Variants in ZNF704 observed in about 807,000 individuals in gnomAD.
The protein encoded by ZNF704 is glucocorticoid induced gene 1.
In ZNF704, 10 loss-of-function variants were observed where a neutral mutation model predicts 44.7. The ratio of observed to expected loss-of-function variants is 0.22; its 90% CI spans 0.14 to 0.38. ZNF704 has a LOEUF of 0.38. Ranked by LOEUF, ZNF704 falls within the 10% of genes least tolerant of loss-of-function variation. ZNF704 has a pLI of 1.00. For synonymous variants in ZNF704, 211 were observed against 207.6 expected, an observed-to-expected ratio of 1.02 and a Z score of -0.14; for missense variants, 390 against 545.5, an observed-to-expected ratio of 0.71 and a Z score of 2.84.
chr8:80,690,057 TC>T (rs2131634420), intron 3 of ZNF704, among the ~76,000 whole-genome samples: 1 of 144,776 alleles, frequency 6.9e-6, no homozygotes, highest in African/African-American at 2.9e-5. Context: ...AATCTTTTTT[TC>T]CTAAAAAAAA....
At chr8:80,830,406 A>T (rs1808450556) in intron 1 of ZNF704, among the ~76,000 whole-genome samples, 1 of 152,224 alleles carries the variant, frequency 6.6e-6, no homozygotes, top group Non-Finnish European at 1.5e-5. Flanking sequence ...CATTCATATG[A>T]GATTTCCAGA....
At chr8:80,808,454 T>C (rs1270785193) in intron 2 of ZNF704, among the ~76,000 whole-genome samples, 1 of 152,246 alleles carries the variant, frequency 6.6e-6, no homozygotes, top group Non-Finnish European at 1.5e-5. Context: ...ATTTTCAAGT[T>C]GTAACTTTAT....
At chr8:80,708,643 T>C (rs974903250) in intron 2 of ZNF704, among the ~76,000 whole-genome samples, 3 of 152,272 alleles carry the variant, frequency 2.0e-5, no homozygotes, top group African/African-American at 7.2e-5. Flanking sequence ...TAATAATTTG[T>C]AGCTCATTTA....
intron 2 of ZNF704, among the ~76,000 whole-genome samples, chr8:80,716,854 A>C (rs1355007858): frequency 1.3e-5 from 2 of 152,204 alleles, no homozygotes; most frequent in Non-Finnish European, 2.9e-5. Context: ...TAAATTCTAC[A>C]TGGAGGGCAT....
chr8:80,671,850 C>T (rs185724091), intron 4 of ZNF704, among the ~76,000 whole-genome samples: 1 of 152,242 alleles, frequency 6.6e-6, no homozygotes, highest in Admixed American at 6.5e-5. Context: ...CCAGTGTCAC[C>T]CCCAGTCTGC....
At chr8:80,686,414 C>A (rs6473244) in intron 4 of ZNF704, among the ~76,000 whole-genome samples, 1 of 152,098 alleles carries the variant, frequency 6.6e-6, no homozygotes, top group Non-Finnish European at 1.5e-5. Flanking sequence ...CAGGGTCTCA[C>A]TCTGTTGCCC....
intron 2 of ZNF704, among the ~76,000 whole-genome samples, chr8:80,790,261 A>G (rs1368858893): frequency 6.6e-6 from 1 of 152,194 alleles, no homozygotes; most frequent in Non-Finnish European, 1.5e-5. Context: ...GGGGATTTTA[A>G]TGTGCAGTTA....
chr8:80,679,804 C>A (rs777119483), intron 4 of ZNF704, among the ~76,000 whole-genome samples: 1 of 152,166 alleles, frequency 6.6e-6, no homozygotes, highest in Non-Finnish European at 1.5e-5. Context: ...TCCACGCAGT[C>A]GTGAGCAGAC....
intron 2 of ZNF704, among the ~76,000 whole-genome samples, chr8:80,700,631 G>A (rs1212512939): frequency 2.0e-5 from 3 of 152,162 alleles, no homozygotes; most frequent in Non-Finnish European, 4.4e-5. Context: ...GGATTTGTGT[G>A]AATATACTGC....
In ZNF704 at chr8:80,638,213, C is replaced by G. The variant is rs1817690421; in HGVS notation, c.*3153G>C. 6.6e-6 allele frequency: 1 copy of G among 152,240 alleles called. No individual in the cohort carries two copies. Among genetic ancestry groups the G allele is most frequent in the South Asian group, 2.1e-4 (1 of 4,832 alleles). 9.4% of individuals were successfully genotyped at this position (152,240 alleles called of 1,614,324 possible). ...CTGCTGGCCACTCTGCTTTGTCGCT[C>G]TCTGGAGAATGTCCTGTCAGTCACT... On this transcript the variant is annotated 3_prime_UTR_variant, in exon 9 of 9. Coordinates refer to ENST00000327835, the MANE Select transcript of ZNF704 (RefSeq NM_001033723.3).
At chr8:80,864,922 G>C (rs951982951) in intron 1 of ZNF704, among the ~76,000 whole-genome samples, 1 of 152,128 alleles carries the variant, frequency 6.6e-6, no homozygotes, top group African/African-American at 2.4e-5. Context: ...CTATAGATCT[G>C]AACAAACTGA....
chr8:80,711,510 G>T (rs972895971), intron 2 of ZNF704, among the ~76,000 whole-genome samples: 3 of 152,182 alleles, frequency 2.0e-5, no homozygotes, highest in African/African-American at 7.2e-5. Context: ...CTTTGAAATT[G>T]ATCCATAACC....
At chr8:80,669,441 T>A (rs954202316) in intron 5 of ZNF704, among the ~76,000 whole-genome samples, 8 of 152,174 alleles carry the variant, frequency 5.3e-5, no homozygotes, top group African/African-American at 1.9e-4. Flanking sequence ...CTCCAGGCCA[T>A]ATGCTCTGGA....
chr8:80,736,404 C>T lies in ZNF704; in HGVS notation c.222-43297G>A, dbSNP rs149643551. Among the ~76,000 whole-genome samples the T allele has an allele frequency of 8.6e-3, 1,310 of 152,256 alleles. 20 individuals are homozygous for T. Among genetic ancestry groups the T allele is most frequent in the Middle Eastern group, 0.014 (4 of 294 alleles). On this transcript the variant is annotated intron_variant, in intron 2 of 8. Transcript: ENST00000327835. The stretch of plus-strand genomic sequence containing the variant: ...AAGCGATTCTCCTGCCTCAGCCTCC[C>T]GAGTAGCTGGGATTACAGGCACGCG...
intron 2 of ZNF704, among the ~76,000 whole-genome samples, chr8:80,707,214 T>A (rs910648188): frequency 2.0e-5 from 3 of 152,214 alleles, no homozygotes; most frequent in South Asian, 2.1e-4. Flanking sequence ...TGCATGACCA[T>A]CCCTATCACT....
At chr8:80,791,398 G>A (rs1479579589) in intron 2 of ZNF704, among the ~76,000 whole-genome samples, 1 of 152,190 alleles carries the variant, frequency 6.6e-6, no homozygotes, top group Non-Finnish European at 1.5e-5. Context: ...TCTAATCAAA[G>A]TAGGTGAAAA....
rs780956427 is a variant in ZNF704, at chr8:80,751,810, C to T, written c.222-58703G>A. On this transcript the variant is annotated intron_variant, in intron 2 of 8. Transcript: ENST00000327835. ...TTGCCCAAGCTGGAGTGCAGTGGCA[C>T]GGTCTTGGCTCACTGCAACCTCCAC... Among the ~76,000 whole-genome samples, 15 of 152,296 alleles carry T rather than the reference C, an allele frequency of 9.8e-5. No individual in the cohort carries two copies. The South Asian group carries it at 2.3e-3, about 23-fold the overall frequency.
At chr8:80,856,749 C>T (rs1808968904) in intron 1 of ZNF704, among the ~76,000 whole-genome samples, 1 of 152,156 alleles carries the variant, frequency 6.6e-6, no homozygotes, top group Non-Finnish European at 1.5e-5. Context: ...GTTAGGACTA[C>T]TCTCACTGTA....
intron 2 of ZNF704, among the ~76,000 whole-genome samples, chr8:80,725,215 C>T: frequency 6.6e-6 from 1 of 152,096 alleles, no homozygotes; most frequent in Non-Finnish European, 1.5e-5. Flanking sequence ...GTGGGGAAGG[C>T]TTTCTGGAAA....
Sources: gnomAD v4.1 joint callset for allele counts (sites outside exome capture counted in the v4.1 genomes callset) on GRCh38, gnomAD v4.1.1 for gene constraint, MANE v1.5 for transcripts, NCBI Gene and HGNC (gene_info 2026-07-23, HGNC 2026-07-21) for gene names.